The following APP variants were observed in gnomAD, a reference collection of about 807,000 sequenced individuals.
APP encodes amyloid beta precursor protein, also known as amyloid-beta precursor protein.
In APP, 31 loss-of-function variants were observed where a neutral mutation model predicts 101.4. The ratio of observed to expected loss-of-function variants is 0.31; its 90% CI spans 0.23 to 0.41. APP has a LOEUF of 0.41. Among genes scored for constraint, APP ranks in the 10% least tolerant of loss-of-function variants. The pLI is 1.00. For synonymous variants in APP, 366 were observed against 364.4 expected, an observed-to-expected ratio of 1.00 and a Z score of -0.05; for missense variants, 839 against 1,003.7, an observed-to-expected ratio of 0.84 and a Z score of 2.22.
intron 1 of APP, among the ~76,000 whole-genome samples, chr21:26,122,417 T>C (rs1179835594): frequency 6.6e-6 from 1 of 152,204 alleles, no homozygotes. Context: ...TAAGTTATCA[T>C]ATTGTCTTCA....
intron 6 of APP, among the ~76,000 whole-genome samples, chr21:26,000,473 T>C (rs1438262739): frequency 6.6e-6 from 1 of 152,208 alleles, no homozygotes; most frequent in Non-Finnish European, 1.5e-5. Flanking sequence ...GAGTATGAAA[T>C]GACGGAAGGT....
At chr21:26,040,846 C>T (rs1172466575) in intron 5 of APP, among the ~76,000 whole-genome samples, 4 of 152,080 alleles carry the variant, frequency 2.6e-5, no homozygotes, top group Admixed American at 2.0e-4. Flanking sequence ...TCACTCCATA[C>T]AAAAATATAT....
chr21:25,975,801 C>T (rs1568793432), intron 10 of APP, among the ~76,000 whole-genome samples, 153 bp downstream of exon 10: 1 of 152,188 alleles, frequency 6.6e-6, no homozygotes, highest in East Asian at 1.9e-4. Flanking sequence ...ATTTAAACAA[C>T]TCAATTACTA....
intron 6 of APP, among the ~76,000 whole-genome samples, chr21:26,019,087 T>C (rs114628692): frequency 1.3e-5 from 2 of 152,338 alleles, no homozygotes; most frequent in African/African-American, 4.8e-5. Flanking sequence ...ATAACTGATG[T>C]CACTCCTTGT....
chr21:26,102,066 T>TA (rs1299608665), intron 2 of APP, among the ~76,000 whole-genome samples: 1 of 150,212 alleles, frequency 6.7e-6, no homozygotes, highest in Non-Finnish European at 1.5e-5. Flanking sequence ...GCCTTTGGTT[T>TA]AAGTAAAACT....
Position 25,955,727 on chromosome 21 carries a change from T to C in APP, c.1487A>G (p.Lys496Arg), listed in dbSNP as rs200735206. The change falls in exon 12 of 18, where the codon AAG (lysine) becomes AGG (arginine). Residue 496 changes from lysine (K) to arginine (R), a missense_variant. By Grantham distance (26) the Lys-to-Arg change is conservative (BLOSUM62 2). Coordinates refer to ENST00000346798, the MANE Select transcript of APP (RefSeq NM_000484.4). ...GTCCTTCTGTTCTGCGCGGACATAC[T>C]TCTTTAGCATATTGAACACGTGACG... Reference protein sequence around the residue: ...RPRHVFNMLKKYVRAEQKDRQ... With the variant: ...RPRHVFNMLKRYVRAEQKDRQ... 1 of 1,614,200 alleles carries C rather than the reference T, an allele frequency of 6.2e-7. No homozygotes were observed. The highest frequency in any genetic ancestry group is 8.5e-7 in the Non-Finnish European group (1 of 1,180,028).
At chr21:26,107,021 G>C (rs2146189009) in intron 2 of APP, among the ~76,000 whole-genome samples, 1 of 152,334 alleles carries the variant, frequency 6.6e-6, no homozygotes. Flanking sequence ...GCATTGAAAT[G>C]CAGGTGTTGT....
At chr21:25,988,200 AC>A (rs1320765750) in intron 8 of APP, among the ~76,000 whole-genome samples, 1 of 152,072 alleles carries the variant, frequency 6.6e-6, no homozygotes, top group African/African-American at 2.4e-5. Flanking sequence ...ATTCCACGAG[AC>A]CCGCATGGCC....
intron 6 of APP, among the ~76,000 whole-genome samples, chr21:26,005,227 A>C (rs979533774): frequency 2.0e-5 from 3 of 152,150 alleles, no homozygotes; most frequent in Admixed American, 2.0e-4. Flanking sequence ...CAACGTAGTC[A>C]ACATGGCGAA....
chr21:25,918,587 G>T (rs1188823297), intron 13 of APP, among the ~76,000 whole-genome samples: 3 of 152,000 alleles, frequency 2.0e-5, no homozygotes, highest in African/African-American at 7.2e-5. Context: ...AGGGGTCAGG[G>T]AGTTCCCTTT....
chr21:26,103,076 C>A (rs544734813), intron 2 of APP, among the ~76,000 whole-genome samples: 10 of 152,186 alleles, frequency 6.6e-5, no homozygotes, highest in African/African-American at 2.4e-4. Flanking sequence ...CTATGATTCA[C>A]ACAAACTACC....
intron 7 of APP, among the ~76,000 whole-genome samples, chr21:25,999,434 G>T (rs141514212): frequency 4.6e-5 from 7 of 152,292 alleles, no homozygotes; most frequent in Non-Finnish European, 1.0e-4. Context: ...GAGCTCGGAG[G>T]GGGCAAGACG....
At chr21:26,090,951 T>C (rs2061810309) in intron 2 of APP, among the ~76,000 whole-genome samples, 1 of 152,262 alleles carries the variant, frequency 6.6e-6, no homozygotes, top group South Asian at 2.1e-4. Flanking sequence ...GAATACATCA[T>C]GGTGTTTAAC....
At chr21:25,902,047 C>G (rs766975173) in intron 15 of APP, among the ~76,000 whole-genome samples, 2 of 152,142 alleles carry the variant, frequency 1.3e-5, no homozygotes, top group Non-Finnish European at 2.9e-5. Context: ...CCCCAAATCA[C>G]CACTGTTATT....
At chr21:26,136,333 C>T (rs1200861890) in intron 1 of APP, among the ~76,000 whole-genome samples, 1 of 151,954 alleles carries the variant, frequency 6.6e-6, no homozygotes, top group East Asian at 1.9e-4. Context: ...ATACAGCCAC[C>T]GAGCAATCAT....
rs1024979432 is a variant in APP at position 26,166,072 on chromosome 21, A to C, written c.57+4492T>G. ...TTGCCAAACTTTTTTTTCCAAGAAA[A>C]ATACTAGTGTCCTCACAGTAATGAT... On this transcript the variant is annotated intron_variant, in intron 1 of 17. Transcript: ENST00000346798. 7.9e-5 allele frequency among the ~76,000 whole-genome samples: 12 copies of C among 152,192 alleles called. 1 individual carries two copies. Among genetic ancestry groups the C allele is most frequent in the Admixed American group, 6.5e-4 (10 of 15,278 alleles).
At chr21:26,105,909 T>C (rs2062173178) in intron 2 of APP, among the ~76,000 whole-genome samples, 1 of 152,192 alleles carries the variant, frequency 6.6e-6, no homozygotes, top group South Asian at 2.1e-4. Flanking sequence ...GCCCATGCCA[T>C]TCCTCATCCC....
At chr21:26,168,016 A>G (rs138396248) in intron 1 of APP, among the ~76,000 whole-genome samples, 8 of 152,192 alleles carry the variant, frequency 5.3e-5, no homozygotes, top group Non-Finnish European at 1.2e-4. Flanking sequence ...ATAAATTAGC[A>G]CTACCACAAA....
At chr21:26,090,155 G>A (rs2061792857) in intron 2 of APP, 83 bp from the exon 3 acceptor site, 2 of 1,581,938 alleles carry the variant, frequency 1.3e-6, no homozygotes, top group Non-Finnish European at 1.7e-6. Flanking sequence ...TCCACTGTAA[G>A]GTACAGGTGG....
Sources: allele counts gnomAD v4.1 joint callset (sites outside exome capture counted in the v4.1 genomes callset), GRCh38; gene constraint gnomAD v4.1.1; transcripts MANE v1.5; gene names NCBI Gene and HGNC (gene_info 2026-07-23, HGNC 2026-07-21).